The following LYRM4 variants were observed in gnomAD, a reference collection of about 807,000 sequenced individuals.
The protein encoded by LYRM4 is LYR motif-containing protein 4.
In LYRM4, 9 loss-of-function variants were observed where a neutral mutation model predicts 11.7. The observed-to-expected ratio is 0.77, with a 90% CI of 0.46 to 1.34. The LOEUF (loss-of-function observed/expected upper bound fraction) is 1.34. LYRM4 is among the 40% of genes most tolerant of loss of function. The probability of loss-of-function intolerance (pLI) is 0.00; values close to 1 mark genes in which losing one functional copy is unlikely to be tolerated. For synonymous variants in LYRM4, 42 were observed against 40.4 expected (o/e 1.04, Z -0.15); for missense variants, 133 against 112.5 (o/e 1.18, Z -0.82).
chr6:5,052,496 G>A, the LYRM4 span, among the ~76,000 whole-genome samples: 1 of 152,074 alleles, frequency 6.6e-6, no homozygotes, highest in African/African-American at 2.4e-5. Flanking sequence ...ATCTCACTAT[G>A]TTGCCCAGGC....
At chr6:5,226,903 A>C (rs924649018) in intron 1 of LYRM4, among the ~76,000 whole-genome samples, 1 of 152,226 alleles carries the variant, frequency 6.6e-6, no homozygotes, top group Non-Finnish European at 1.5e-5. Context: ...TACCACAATA[A>C]GGAAAAATCA....
chr6:5,152,781 T>C (rs1340507525), intron 2 of LYRM4, among the ~76,000 whole-genome samples: 1 of 152,228 alleles, frequency 6.6e-6, no homozygotes, highest in Non-Finnish European at 1.5e-5. Context: ...TCCTCTGTTG[T>C]TGGCTGGTAG....
At chr6:5,165,379 T>C (rs1759018561) in intron 2 of LYRM4, among the ~76,000 whole-genome samples, 2 of 152,338 alleles carry the variant, frequency 1.3e-5, no homozygotes, top group African/African-American at 4.8e-5. Context: ...GCAGATTAGT[T>C]ACACAACTGT....
intron 1 of LYRM4, among the ~76,000 whole-genome samples, chr6:5,240,952 C>T (rs1314109376): frequency 6.6e-6 from 1 of 152,174 alleles, no homozygotes; most frequent in African/African-American, 2.4e-5. Flanking sequence ...AGGGAATGTA[C>T]CTGCCTGAAC....
intron 2 of LYRM4, among the ~76,000 whole-genome samples, chr6:5,150,589 C>A (rs1310001035): frequency 6.6e-6 from 1 of 152,192 alleles, no homozygotes; most frequent in East Asian, 1.9e-4. Flanking sequence ...CATAATTATT[C>A]TTTCTTTGTG....
chr6:5,248,634 C>T (rs572135811), intron 1 of LYRM4, among the ~76,000 whole-genome samples: 12 of 152,392 alleles, frequency 7.9e-5, no homozygotes, highest in African/African-American at 2.9e-4. Context: ...CAGCTAGTCC[C>T]TACTAGCCCT....
intron 2 of LYRM4, among the ~76,000 whole-genome samples, chr6:5,173,435 G>T (rs1481991599): frequency 6.6e-6 from 1 of 152,200 alleles, no homozygotes; most frequent in Admixed American, 6.5e-5. Flanking sequence ...GAGATTTGTA[G>T]GGCTAATGAA....
chr6:5,046,241 G>A, the LYRM4 span, among the ~76,000 whole-genome samples: 1,111 of 152,138 alleles, frequency 7.3e-3, 9 homozygotes, highest in Middle Eastern at 0.027. Context: ...CTGCCTCCTG[G>A]GTTCACGCCA....
At chr6:5,235,167 G>T (rs1763468058) in intron 1 of LYRM4, among the ~76,000 whole-genome samples, 1 of 152,022 alleles carries the variant, frequency 6.6e-6, no homozygotes, top group Admixed American at 6.6e-5. Flanking sequence ...TTTTGAGACG[G>T]ACTCTCGTTC....
Position 5,240,563 on chromosome 6 carries a change from A to T in LYRM4, c.86+20085T>A, listed in dbSNP as rs927833743. The T allele has an allele frequency of 6.6e-5, 10 of 152,262 alleles. No individual in the cohort carries two copies. In the East Asian group the frequency reaches 1.9e-3, roughly 29 times the overall value. 9.4% of individuals were successfully genotyped at this position (152,262 alleles called of 1,614,324 possible). On this transcript the variant is annotated intron_variant, in intron 1 of 2. Coordinates refer to ENST00000330636, the MANE Select transcript of LYRM4 (RefSeq NM_020408.6). ...GAAGAGCACACCAAGGGTTTTGCCAAGCTGGGGAGGAGTGGAGTTCCAAAG... is the reference window on the plus strand; with the variant it reads ...GAAGAGCACACCAAGGGTTTTGCCATGCTGGGGAGGAGTGGAGTTCCAAAG...
chr6:5,033,879 A>C, the LYRM4 span: 1 of 152,244 alleles, frequency 6.6e-6, no homozygotes, highest in Non-Finnish European at 1.5e-5. Flanking sequence ...ACAGTGATTC[A>C]CAGACTTGTA....
At chr6:5,227,817 G>C (rs1762979600) in intron 1 of LYRM4, among the ~76,000 whole-genome samples, 1 of 152,176 alleles carries the variant, frequency 6.6e-6, no homozygotes, top group Non-Finnish European at 1.5e-5. Flanking sequence ...AAAAGAATGA[G>C]ATCATGTCCT....
chr6:5,126,055 T>A (rs1763687204), intron 2 of LYRM4, among the ~76,000 whole-genome samples: 1 of 152,344 alleles, frequency 6.6e-6, no homozygotes, highest in South Asian at 2.1e-4. Flanking sequence ...GAGTAATACG[T>A]TCCTGTCACT....
intron 2 of LYRM4, among the ~76,000 whole-genome samples, chr6:5,184,066 C>T (rs1289177440): frequency 6.6e-6 from 1 of 152,102 alleles, no homozygotes; most frequent in Non-Finnish European, 1.5e-5. Flanking sequence ...AGAGTAAGAA[C>T]CAAAAGTCAT....
chr6:5,152,385 C>T (rs955909299), intron 2 of LYRM4, among the ~76,000 whole-genome samples: 2 of 152,196 alleles, frequency 1.3e-5, no homozygotes, highest in Non-Finnish European at 2.9e-5. Flanking sequence ...CAATGAATGA[C>T]ACACATGTAC....
intron 2 of LYRM4, among the ~76,000 whole-genome samples, chr6:5,156,118 C>T (rs539729805): frequency 3.3e-5 from 5 of 152,356 alleles, no homozygotes; most frequent in Middle Eastern, 3.4e-3. Flanking sequence ...GAATGAATAA[C>T]CCTTATCAAA....
At chr6:5,192,110 C>T (rs1017772966) in intron 2 of LYRM4, among the ~76,000 whole-genome samples, 2 of 152,110 alleles carry the variant, frequency 1.3e-5, no homozygotes, top group African/African-American at 2.4e-5. Context: ...AATCTGAAAA[C>T]GAAGAGTACA....
intron 2 of LYRM4, among the ~76,000 whole-genome samples, chr6:5,142,006 T>C (rs922483751): frequency 6.6e-6 from 1 of 152,072 alleles, no homozygotes; most frequent in East Asian, 1.9e-4. Context: ...CAGGCTGCCC[T>C]GTTTCTGTGC....
In LYRM4 at chr6:5,212,290, G is replaced by A. The variant is rs1422845464; in HGVS notation, c.207+4328C>T. ...TAACGCCTTGCAAATAGGGTCCAGA[G>A]GAGTATCTTTATTTAGAACAGCAAA... On this transcript the variant is annotated intron_variant, in intron 2 of 2. Transcript: ENST00000330636. Among the ~76,000 whole-genome samples the A allele has an allele frequency of 2.0e-5, 3 of 152,240 alleles. No individual in the cohort carries two copies. In the South Asian group the frequency reaches 6.2e-4, roughly 31 times the overall value.
Sources: allele counts gnomAD v4.1 joint callset (sites outside exome capture counted in the v4.1 genomes callset), GRCh38; gene constraint gnomAD v4.1.1; transcripts MANE v1.5; gene names NCBI Gene and HGNC (gene_info 2026-07-23, HGNC 2026-07-21).